Variants in PPP6R3 observed in about 807,000 individuals in gnomAD.
The protein encoded by PPP6R3 is serine/threonine-protein phosphatase 6 regulatory subunit 3.
Under a neutral mutation model 110.7 loss-of-function variants are expected in PPP6R3, and 38 were observed. The observed-to-expected ratio is 0.34, with a 90% confidence interval of 0.26 to 0.45. The LOEUF is 0.45. Among genes scored for constraint, PPP6R3 ranks in the 20% least tolerant of loss-of-function variants. The probability of loss-of-function intolerance (pLI) is 1.00; values close to 1 mark genes in which losing one functional copy is unlikely to be tolerated. For synonymous variants in PPP6R3, 369 were observed against 373.5 expected (o/e 0.99, Z 0.14); for missense variants, 870 against 1,062.4 (o/e 0.82, Z 2.52).
chr11:68,590,864 C>G, intron 17 of PPP6R3, 150 bp downstream of exon 17: 3 of 956,650 alleles, frequency 3.1e-6, no homozygotes, highest in Non-Finnish European at 2.8e-6. Context: ...CCACGGCCTA[C>G]CTGGCACCCG....
chr11:68,590,382 C>A (rs970137093), intron 16 of PPP6R3, among the ~76,000 whole-genome samples: 1 of 152,070 alleles, frequency 6.6e-6, no homozygotes, highest in Non-Finnish European at 1.5e-5. Flanking sequence ...TGGTTGTTAC[C>A]ATAGATGTTA....
At chr11:68,530,160 G>A (rs1288317090) in intron 2 of PPP6R3, among the ~76,000 whole-genome samples, 1 of 152,164 alleles carries the variant, frequency 6.6e-6, no homozygotes, top group African/African-American at 2.4e-5. Context: ...CATTTAATGT[G>A]TGGCTCAAAA....
chr11:68,603,267 T>G, intron 21 of PPP6R3, 75 bp from the exon 22 acceptor site: 2 of 1,547,486 alleles, frequency 1.3e-6, no homozygotes, highest in Non-Finnish European at 1.7e-6. Flanking sequence ...GTTGGGTAGA[T>G]GGGTTTGTAC....
chr11:68,598,217 T>A (rs1421015413), intron 19 of PPP6R3, among the ~76,000 whole-genome samples: 1 of 152,212 alleles, frequency 6.6e-6, no homozygotes, highest in Non-Finnish European at 1.5e-5. Context: ...TCCCTTAGCA[T>A]AATGTCTTCA....
intron 18 of PPP6R3, among the ~76,000 whole-genome samples, chr11:68,594,373 A>G (rs1024728363): frequency 5.3e-5 from 8 of 150,742 alleles, no homozygotes; most frequent in Non-Finnish European, 1.2e-4. Context: ...TGAGTTAAAT[A>G]TGACTGGGCA....
intron 14 of PPP6R3, among the ~76,000 whole-genome samples, chr11:68,580,597 TGAA>T (rs1325814541): frequency 6.6e-6 from 1 of 151,946 alleles, no homozygotes; most frequent in Non-Finnish European, 1.5e-5. Context: ...GGTTTCTAGT[TGAA>T]GAAGAGTGAA....
rs1594220434 is a variant in PPP6R3 at position 68,613,216 on chromosome 11, C to T, written c.*99C>T. 6.5e-7 allele frequency: 1 copy of T among 1,548,136 alleles called. No homozygotes were observed. The highest frequency in any genetic ancestry group is 2.4e-5 in the East Asian group (1 of 41,976). ...AGCCCACCAAGCTGTCACTGCTGCA[C>T]TCACTCTGCAAGGGATCAGGACCAG... On this transcript the variant is annotated 3_prime_UTR_variant, in exon 24 of 24. Transcript: ENST00000393800.
At chr11:68,510,780 T>C (rs2099104845) in intron 1 of PPP6R3, among the ~76,000 whole-genome samples, 1 of 152,240 alleles carries the variant, frequency 6.6e-6, no homozygotes, top group Non-Finnish European at 1.5e-5. Flanking sequence ...TGTAATACTT[T>C]GGACTGTTTT....
intron 1 of PPP6R3, among the ~76,000 whole-genome samples, chr11:68,490,296 TA>T (rs1338018214): frequency 1.3e-5 from 2 of 152,210 alleles, no homozygotes; most frequent in Non-Finnish European, 2.9e-5. Flanking sequence ...AAGTTAGATG[TA>T]ATTCTTGCCT....
At chr11:68,476,948 C>G (rs1229107658) in intron 1 of PPP6R3, among the ~76,000 whole-genome samples, 1 of 151,758 alleles carries the variant, frequency 6.6e-6, no homozygotes, top group Non-Finnish European at 1.5e-5. Flanking sequence ...ATTGCTTGAG[C>G]CCAGGAGTTC....
chr11:68,515,379 C>T (rs546846934), intron 1 of PPP6R3, among the ~76,000 whole-genome samples: 2 of 152,382 alleles, frequency 1.3e-5, no homozygotes, highest in Admixed American at 6.5e-5. Flanking sequence ...AGACACAGCA[C>T]AGTACCACAG....
At chr11:68,605,176 C>CA in intron 22 of PPP6R3, among the ~76,000 whole-genome samples, 1 of 152,124 alleles carries the variant, frequency 6.6e-6, no homozygotes, top group East Asian at 1.9e-4. Context: ...CCTGTCTCTG[C>CA]AAAAAATACA....
intron 3 of PPP6R3, among the ~76,000 whole-genome samples, chr11:68,542,347 G>A (rs1307994379): frequency 5.3e-5 from 8 of 150,650 alleles, no homozygotes; most frequent in Non-Finnish European, 7.4e-5. Flanking sequence ...GGGTCTTGCC[G>A]AGGGTGGAGT....
chr11:68,580,661 G>A (rs1372983427), intron 14 of PPP6R3, among the ~76,000 whole-genome samples: 1 of 150,262 alleles, frequency 6.7e-6, no homozygotes, highest in East Asian at 2.0e-4. Context: ...GTTTGGAAGT[G>A]TAGATCAGGA....
At position 68,540,828 on chromosome 11, in the gene PPP6R3, C is replaced by T. The variant is rs1219634382; in HGVS notation, c.227+2937C>T. Among the ~76,000 whole-genome samples, 3 of 152,222 alleles carry T rather than the reference C, an allele frequency of 2.0e-5. No homozygotes were observed. In the East Asian group the frequency reaches 5.8e-4, roughly 29 times the overall value. On this transcript the variant is annotated intron_variant, in intron 3 of 23. Transcript: ENST00000393800. ...AAATATGGCTCTGTTCCGCCTGGCTCACCTGCGGTCAGAGTTTAAGGTTAT... is the reference window on the plus strand; with the variant it reads ...AAATATGGCTCTGTTCCGCCTGGCTTACCTGCGGTCAGAGTTTAAGGTTAT...
intron 1 of PPP6R3, among the ~76,000 whole-genome samples, chr11:68,462,457 TA>T (rs1257547346): frequency 6.6e-6 from 1 of 152,212 alleles, no homozygotes; most frequent in East Asian, 1.9e-4. Flanking sequence ...ATCACAAGCT[TA>T]AGTCGGGCTT....
intron 18 of PPP6R3, among the ~76,000 whole-genome samples, chr11:68,594,499 TAAAAAAAG>T (rs977697747): frequency 6.6e-6 from 1 of 151,962 alleles, no homozygotes; most frequent in African/African-American, 2.4e-5. Context: ...TCTATTTTTT[TAAAAAAAG>T]AAAAAATTTA....
chr11:68,527,555 T>G (rs1484530299), intron 2 of PPP6R3, among the ~76,000 whole-genome samples: 1 of 152,242 alleles, frequency 6.6e-6, no homozygotes, highest in Non-Finnish European at 1.5e-5. Flanking sequence ...CGAACTCTGT[T>G]GAGAGTGTAC....
chr11:68,602,054 T>C (rs996564483), intron 21 of PPP6R3, 85 bp downstream of exon 21: 27 of 1,091,490 alleles, frequency 2.5e-5, no homozygotes, highest in Non-Finnish European at 3.4e-5. Flanking sequence ...CAGGGGCTAG[T>C]GGAGCCCGGG....
Sources: gnomAD v4.1 joint callset for allele counts (sites outside exome capture counted in the v4.1 genomes callset) on GRCh38, gnomAD v4.1.1 for gene constraint, MANE v1.5 for transcripts, NCBI Gene and HGNC (gene_info 2026-07-23, HGNC 2026-07-21) for gene names.